The following MYO1D variants were observed in gnomAD, a reference collection of about 807,000 sequenced individuals.
MYO1D encodes myosin ID.
A neutral mutation model predicts 122.0 loss-of-function variants in MYO1D; 83 were observed. That is an observed-to-expected ratio of 0.68 (90% CI 0.57 to 0.82). MYO1D has a LOEUF of 0.82. Among genes scored for constraint, MYO1D ranks in the 40% least tolerant of loss-of-function variants. The pLI, the probability that MYO1D is intolerant of heterozygous loss-of-function variation, is 0.00. For synonymous variants in MYO1D, 464 were observed against 446.9 expected, an observed-to-expected ratio of 1.04 and a Z score of -0.48; for missense variants, 1,157 against 1,269.5, an observed-to-expected ratio of 0.91 and a Z score of 1.35.
intron 16 of MYO1D, among the ~76,000 whole-genome samples, chr17:32,686,730 T>C (rs1207118518): frequency 3.3e-5 from 5 of 151,938 alleles, no homozygotes; most frequent in Admixed American, 6.6e-5. Flanking sequence ...GCTGAGGTGG[T>C]GGTACACACC....
At position 32,727,019 on chromosome 17, in the gene MYO1D, A is replaced by ATT. The variant is rs2089584647; in HGVS notation, c.1747-5832_1747-5831dup. On this transcript the variant is annotated intron_variant, in intron 14 of 21. Coordinates refer to ENST00000318217, the MANE Select transcript of MYO1D (RefSeq NM_015194.3). ...TAAGTCAAGTAACCACTATAACAGT[A>ATT]TTTAAGTAAATCTTCCAAAATAATA... Among the ~76,000 whole-genome samples the ATT allele has an allele frequency of 2.0e-5, 3 of 152,324 alleles. No homozygotes were observed. In the South Asian group the frequency reaches 6.2e-4, roughly 32 times the overall value.
chr17:32,638,621 C>A, intron 20 of MYO1D, 101 bp downstream of exon 20: 1 of 691,840 alleles, frequency 1.4e-6, no homozygotes, highest in East Asian at 2.6e-5. Context: ...CATGGGCATC[C>A]TAAAGCCCCA....
chr17:32,572,603 C>T (rs541893080), intron 21 of MYO1D, among the ~76,000 whole-genome samples: 2 of 152,214 alleles, frequency 1.3e-5, no homozygotes, highest in South Asian at 4.2e-4. Context: ...CACATCACCC[C>T]CTTTGCTAAA....
chr17:32,860,327 AG>A (rs2151086937), intron 1 of MYO1D, among the ~76,000 whole-genome samples: 1 of 152,288 alleles, frequency 6.6e-6, no homozygotes, highest in Non-Finnish European at 1.5e-5. Context: ...TTTTCTTTTT[AG>A]CTGCCCCCAA....
chr17:32,822,503 G>C (rs76355292), intron 1 of MYO1D, among the ~76,000 whole-genome samples: 4 of 150,978 alleles, frequency 2.6e-5, no homozygotes, highest in East Asian at 2.0e-4. Flanking sequence ...CGGTCGGCGC[G>C]CCGCTTCTTC....
At chr17:32,673,849 G>A (rs1567941850) in intron 16 of MYO1D, among the ~76,000 whole-genome samples, 1 of 152,178 alleles carries the variant, frequency 6.6e-6, no homozygotes. Flanking sequence ...TCAGTTTTGT[G>A]TCAATGTATT....
At chr17:32,707,447 T>C (rs915394300) in intron 16 of MYO1D, among the ~76,000 whole-genome samples, 30 of 152,196 alleles carry the variant, frequency 2.0e-4, no homozygotes, top group Non-Finnish European at 3.4e-4. Context: ...TAAAACCATA[T>C]ATACTCTTCA....
At chr17:32,656,634 T>C (rs916139973) in intron 17 of MYO1D, among the ~76,000 whole-genome samples, 4 of 152,200 alleles carry the variant, frequency 2.6e-5, no homozygotes, top group African/African-American at 9.7e-5. Flanking sequence ...CATGGCTCAG[T>C]AGAATAGTGG....
intron 1 of MYO1D, among the ~76,000 whole-genome samples, chr17:32,851,440 A>C (rs931631908): frequency 1.3e-5 from 2 of 152,148 alleles, no homozygotes; most frequent in Admixed American, 6.5e-5. Flanking sequence ...AAAACAAACA[A>C]CACAATATTT....
rs538775754 is a variant in MYO1D at position 32,553,107 on chromosome 17, A to AC, written c.2864+51979_2864+51980insG. 6.5e-3 allele frequency among the ~76,000 whole-genome samples: 988 copies of AC among 151,460 alleles called. 6 individuals carry two copies. The highest frequency in any genetic ancestry group is 8.8e-3 in the African/African-American group (362 of 41,232). ...AAAAAAAAACAAAAAACAAAACAAAAAAAAAAACAAAAAAACCAGCAGCAT... is the reference window on the plus strand; with the variant it reads ...AAAAAAAAACAAAAAACAAAACAAAACAAAAAAACAAAAAAACCAGCAGCAT... On this transcript the variant is annotated intron_variant, in intron 21 of 21. Coordinates refer to ENST00000318217, the MANE Select transcript of MYO1D (RefSeq NM_015194.3).
At chr17:32,663,975 G>T (rs1204211471) in intron 16 of MYO1D, among the ~76,000 whole-genome samples, 1 of 152,038 alleles carries the variant, frequency 6.6e-6, no homozygotes, top group African/African-American at 2.4e-5. Flanking sequence ...CTTGGTTTCG[G>T]GGTTGATGGC....
intron 16 of MYO1D, among the ~76,000 whole-genome samples, chr17:32,705,233 G>A (rs2089291861): frequency 6.6e-6 from 1 of 152,006 alleles, no homozygotes; most frequent in Non-Finnish European, 1.5e-5. Flanking sequence ...TATACTAAGA[G>A]GAACAATATG....
At chr17:32,613,158 A>AG (rs1450963355) in intron 20 of MYO1D, among the ~76,000 whole-genome samples, 1 of 135,232 alleles carries the variant, frequency 7.4e-6, no homozygotes, top group Non-Finnish European at 1.7e-5. Flanking sequence ...ACTAGCAAAA[A>AG]GTTTTTTTTT....
chr17:32,698,791 C>A (rs1298796184), intron 16 of MYO1D, among the ~76,000 whole-genome samples: 1 of 151,968 alleles, frequency 6.6e-6, no homozygotes, highest in Non-Finnish European at 1.5e-5. Flanking sequence ...CACTTTTAAT[C>A]CTTCACAAGA....
At chr17:32,611,656 C>T (rs749182769) in intron 20 of MYO1D, among the ~76,000 whole-genome samples, 51 of 152,076 alleles carry the variant, frequency 3.4e-4, no homozygotes, top group Non-Finnish European at 4.9e-4. Flanking sequence ...CTGGCCAACA[C>T]GGTGAAACCC....
At chr17:32,698,415 T>TC (rs1449030775) in intron 16 of MYO1D, among the ~76,000 whole-genome samples, 2 of 142,386 alleles carry the variant, frequency 1.4e-5, no homozygotes, top group Non-Finnish European at 3.1e-5. Context: ...ACAAAAGTAA[T>TC]CAATTTTATA....
intron 16 of MYO1D, among the ~76,000 whole-genome samples, chr17:32,691,749 G>A (rs1258054432): frequency 1.3e-5 from 2 of 152,076 alleles, no homozygotes; most frequent in African/African-American, 4.8e-5. Context: ...ATATTCTTAA[G>A]ATTTTCCTTA....
chr17:32,872,854 G>A (rs1372796281), intron 1 of MYO1D, among the ~76,000 whole-genome samples: 1 of 151,382 alleles, frequency 6.6e-6, no homozygotes, highest in South Asian at 2.1e-4. Context: ...CCGCCACCGC[G>A]CCCGGCTAAT....
At chr17:32,763,306 C>T (rs1221704146) in intron 8 of MYO1D, among the ~76,000 whole-genome samples, 1 of 151,870 alleles carries the variant, frequency 6.6e-6, no homozygotes, top group Non-Finnish European at 1.5e-5. Flanking sequence ...CTAAGACTTA[C>T]AAGAGTAAAA....
Sources: allele counts gnomAD v4.1 joint callset (sites outside exome capture counted in the v4.1 genomes callset), GRCh38; gene constraint gnomAD v4.1.1; transcripts MANE v1.5; gene names NCBI Gene and HGNC (gene_info 2026-07-23, HGNC 2026-07-21).